CSNK1G1: variants seen among roughly 807,000 people sequenced by gnomAD.
CSNK1G1 encodes casein kinase 1 gamma 1, also known as casein kinase I isoform gamma-1.
A neutral mutation model predicts 59.6 loss-of-function variants in CSNK1G1; 22 were observed. The observed-to-expected ratio is 0.37, with a 90% CI of 0.26 to 0.53. CSNK1G1 has a LOEUF of 0.53. CSNK1G1 is among the 20% of genes least tolerant of loss of function. The pLI, the probability that CSNK1G1 is intolerant of heterozygous loss-of-function variation, is 0.89. For synonymous variants in CSNK1G1, 179 were observed against 177.1 expected, an observed-to-expected ratio of 1.01 and a Z score of -0.08; for missense variants, 384 against 519.5, an observed-to-expected ratio of 0.74 and a Z score of 2.54.
At chr15:64,184,899 C>T (rs1373853434) in intron 10 of CSNK1G1, among the ~76,000 whole-genome samples, 1 of 152,108 alleles carries the variant, frequency 6.6e-6, no homozygotes, top group East Asian at 1.9e-4. Flanking sequence ...AGTTTCATTT[C>T]TCAAAATGTC....
chr15:64,176,587 T>C lies in CSNK1G1; in HGVS notation c.1214+3761A>G, dbSNP rs1253443971. Among the ~76,000 whole-genome samples the C allele has an allele frequency of 6.6e-6, 1 of 152,060 alleles. No homozygotes were observed. Among genetic ancestry groups the C allele is most frequent in the African/African-American group, 2.4e-5 (1 of 41,386 alleles). ...CCAGGGTGGGCTTTCCTGGGCAACT[T>C]CTAGGAAGGCAGCAGGGGAAAGAGC... On this transcript the variant is annotated intron_variant, in intron 11 of 11. Coordinates refer to ENST00000303052, the MANE Select transcript of CSNK1G1 (RefSeq NM_022048.5). This position sits in a 1 kb window ranked among gnomAD's most constrained non-coding sequence, Gnocchi z 5.2.
chr15:64,241,237 A>G (rs1430389183), intron 4 of CSNK1G1, among the ~76,000 whole-genome samples: 1 of 152,222 alleles, frequency 6.6e-6, no homozygotes, highest in Non-Finnish European at 1.5e-5. Flanking sequence ...AAAAGATCTT[A>G]AGTCAAAGCT....
chr15:64,206,211 G>A (rs973413518), intron 7 of CSNK1G1, among the ~76,000 whole-genome samples: 1 of 152,118 alleles, frequency 6.6e-6, no homozygotes, highest in African/African-American at 2.4e-5. Context: ...GGAGGCCGAG[G>A]CAGGCGGATC....
intron 7 of CSNK1G1, among the ~76,000 whole-genome samples, chr15:64,207,240 T>C (rs1266836529): frequency 6.6e-6 from 1 of 152,206 alleles, no homozygotes; most frequent in Non-Finnish European, 1.5e-5. Flanking sequence ...CAGAGCCAAT[T>C]AGCCAATAAT....
chr15:64,287,829 T>C (rs1423296165), intron 2 of CSNK1G1, among the ~76,000 whole-genome samples: 4 of 152,140 alleles, frequency 2.6e-5, no homozygotes, highest in Admixed American at 6.5e-5. Context: ...ATGTATAACA[T>C]AGACATCTAG....
chr15:64,237,078 CATGA>C (rs768903393), intron 4 of CSNK1G1, among the ~76,000 whole-genome samples: 4 of 151,992 alleles, frequency 2.6e-5, no homozygotes, highest in Admixed American at 6.6e-5. Context: ...AATAGGTTTA[CATGA>C]ATGTTGAGAG....
intron 4 of CSNK1G1, among the ~76,000 whole-genome samples, chr15:64,249,283 T>C (rs191403891): frequency 6.6e-5 from 10 of 152,274 alleles, no homozygotes; most frequent in Admixed American, 2.6e-4. Flanking sequence ...AAGAAAATCC[T>C]AAAAGTAATT....
At chr15:64,352,217 A>G (rs1181956287) in intron 1 of CSNK1G1, among the ~76,000 whole-genome samples, 1 of 151,816 alleles carries the variant, frequency 6.6e-6, no homozygotes, top group African/African-American at 2.4e-5. Context: ...GAGGCAGTAG[A>G]ATTGCTTGAA....
Position 64,188,321 on chromosome 15 carries a change from A to T in CSNK1G1, c.1108-7867T>A. The T allele has an allele frequency of 7.3e-7, 1 of 1,374,512 alleles. No homozygotes were observed. Among genetic ancestry groups the T allele is most frequent in the East Asian group, 2.5e-5 (1 of 39,882 alleles). The allele number at this position is 1,374,512 out of a possible 1,614,324, so 85.1% of individuals were successfully genotyped here. The stretch of plus-strand genomic sequence containing the variant: ...GCCGAAGGTTCAGAAGCAAGCCAAC[A>T]TTCCACCAGCCAAGCTGGAAAGGCC... On this transcript the variant is annotated intron_variant, in intron 10 of 11. Coordinates refer to ENST00000303052, the MANE Select transcript of CSNK1G1 (RefSeq NM_022048.5). This position sits in a 1 kb window ranked among gnomAD's most constrained non-coding sequence, Gnocchi z 4.2.
At chr15:64,195,863 T>C (rs1268823952) in intron 10 of CSNK1G1, among the ~76,000 whole-genome samples, 2 of 152,186 alleles carry the variant, frequency 1.3e-5, no homozygotes, top group East Asian at 3.8e-4. Flanking sequence ...GGATCTAGCT[T>C]TTAGGAACGT....
At chr15:64,344,892 C>T (rs3843699) in intron 1 of CSNK1G1, among the ~76,000 whole-genome samples, 13,524 of 152,186 alleles carry the variant, frequency 0.089, 1,938 homozygotes, top group East Asian at 0.76. Flanking sequence ...AGAAACACAG[C>T]ATTAACCAGA....
intron 2 of CSNK1G1, among the ~76,000 whole-genome samples, chr15:64,293,470 G>A (rs930255173): frequency 2.0e-5 from 3 of 152,142 alleles, no homozygotes; most frequent in Admixed American, 6.5e-5. Context: ...AAGCACTGGA[G>A]GAAATAAGCA....
intron 2 of CSNK1G1, among the ~76,000 whole-genome samples, chr15:64,298,696 G>C (rs1895153951): frequency 6.6e-6 from 1 of 152,114 alleles, no homozygotes; most frequent in Admixed American, 6.6e-5. Flanking sequence ...TGGGGGATCA[G>C]AGATAAGATT....
At chr15:64,258,397 T>G (rs7177364) in intron 3 of CSNK1G1, among the ~76,000 whole-genome samples, 2,642 of 146,758 alleles carry the variant, frequency 0.018, 70 homozygotes, top group African/African-American at 0.055. Context: ...AAAAAAAAAA[T>G]AAAGAAAGAA....
chr15:64,271,567 G>A (rs572899126), intron 2 of CSNK1G1, among the ~76,000 whole-genome samples: 1 of 152,328 alleles, frequency 6.6e-6, no homozygotes, highest in Non-Finnish European at 1.5e-5. Flanking sequence ...GGGATTACAG[G>A]TGTTAGCCAC....
intron 4 of CSNK1G1, among the ~76,000 whole-genome samples, chr15:64,226,144 T>C (rs920115866): frequency 6.6e-6 from 1 of 152,236 alleles, no homozygotes; most frequent in African/African-American, 2.4e-5. Flanking sequence ...TGGTAACACC[T>C]TGGCCACCCA....
intron 10 of CSNK1G1, among the ~76,000 whole-genome samples, chr15:64,186,297 G>C (rs962235194): frequency 2.6e-5 from 4 of 152,122 alleles, no homozygotes; most frequent in African/African-American, 7.2e-5. Flanking sequence ...CTTTTTAGTA[G>C]AGATGGAGTT....
intron 10 of CSNK1G1, among the ~76,000 whole-genome samples, chr15:64,189,102 C>T (rs528273960): frequency 1.4e-4 from 22 of 151,906 alleles, no homozygotes; most frequent in African/African-American, 3.9e-4. Context: ...CTCCAGCCTG[C>T]GCGACAGAGC....
intron 2 of CSNK1G1, among the ~76,000 whole-genome samples, chr15:64,284,951 C>T (rs1231480889): frequency 6.6e-6 from 1 of 151,926 alleles, no homozygotes; most frequent in African/African-American, 2.4e-5. Flanking sequence ...CCACATTTAG[C>T]CTTGACTCCT....
Sources: gnomAD v4.1 joint callset for allele counts (sites outside exome capture counted in the v4.1 genomes callset) on GRCh38, gnomAD v4.1.1 for gene constraint, Gnocchi (gnomAD v3.1) non-coding constraint, MANE v1.5 for transcripts, NCBI Gene and HGNC (gene_info 2026-07-23, HGNC 2026-07-21) for gene names.